NELL2: variants seen among roughly 807,000 people sequenced by gnomAD.
The protein encoded by NELL2 is protein kinase C-binding protein NELL2.
Under a neutral mutation model 109.6 loss-of-function variants are expected in NELL2, and 41 were observed. The observed-to-expected ratio is 0.37, with a 90% confidence interval of 0.29 to 0.49. The LOEUF is 0.49. Ranked by LOEUF, NELL2 falls within the 20% of genes least tolerant of loss-of-function variation. The pLI is 0.98. For synonymous variants in NELL2, 355 were observed against 344.7 expected (o/e 1.03, Z -0.33); for missense variants, 900 against 1,008.3 (o/e 0.89, Z 1.45).
intron 2 of NELL2, among the ~76,000 whole-genome samples, chr12:44,849,650 C>T (rs1374273781): frequency 6.6e-6 from 1 of 151,960 alleles, no homozygotes; most frequent in African/African-American, 2.4e-5. Flanking sequence ...GACATTTATC[C>T]AAAAGGAATA....
At chr12:44,862,186 A>C (rs555551727) in intron 2 of NELL2, among the ~76,000 whole-genome samples, 1 of 152,210 alleles carries the variant, frequency 6.6e-6, no homozygotes, top group Non-Finnish European at 1.5e-5. Context: ...TGCCCCACGA[A>C]TACTCACCAG....
intron 15 of NELL2, among the ~76,000 whole-genome samples, chr12:44,556,215 T>C (rs1029935336): frequency 2.0e-5 from 3 of 152,164 alleles, no homozygotes; most frequent in African/African-American, 7.2e-5. Context: ...ACAAATATTA[T>C]TAGAGTCTAA....
intron 15 of NELL2, among the ~76,000 whole-genome samples, chr12:44,550,487 A>T (rs1942995174): frequency 6.6e-6 from 1 of 150,626 alleles, no homozygotes; most frequent in Non-Finnish European, 1.5e-5. Context: ...GAGGTTGCAG[A>T]GAGCTGAGAC....
At chr12:44,864,053 C>G (rs1470177091) in intron 2 of NELL2, among the ~76,000 whole-genome samples, 1 of 151,906 alleles carries the variant, frequency 6.6e-6, no homozygotes, top group East Asian at 1.9e-4. Context: ...AGAAAAAAAT[C>G]TACAATAGAT....
intron 9 of NELL2, among the ~76,000 whole-genome samples, chr12:44,750,517 A>T (rs751908525): frequency 9.7e-4 from 147 of 152,264 alleles, no homozygotes; most frequent in Non-Finnish European, 1.7e-3. Context: ...ATGAACAGGT[A>T]AGGATTACCA....
At chr12:44,526,051 T>C (rs1417904425) in intron 16 of NELL2, among the ~76,000 whole-genome samples, 2 of 152,160 alleles carry the variant, frequency 1.3e-5, no homozygotes, top group African/African-American at 4.8e-5. Context: ...GTAAACAGCA[T>C]GTAGCTGAAG....
At chr12:44,747,618 T>C (rs1164774023) in intron 9 of NELL2, among the ~76,000 whole-genome samples, 1 of 152,096 alleles carries the variant, frequency 6.6e-6, no homozygotes, top group Non-Finnish European at 1.5e-5. Context: ...TGCACAGGGT[T>C]CAGCATCCCT....
intron 15 of NELL2, among the ~76,000 whole-genome samples, chr12:44,568,962 C>A (rs541668816): frequency 3.4e-4 from 52 of 152,082 alleles, no homozygotes; most frequent in African/African-American, 1.2e-3. Flanking sequence ...TTTTCTTGTA[C>A]AGATTATTTC....
chr12:44,747,623 A>C (rs1940446326), intron 9 of NELL2, among the ~76,000 whole-genome samples: 2 of 152,128 alleles, frequency 1.3e-5, no homozygotes, highest in African/African-American at 2.4e-5. Context: ...AGGGTTCAGC[A>C]TCCCTGACCT....
chr12:44,902,662 G>T (rs1385422802), intron 1 of NELL2, among the ~76,000 whole-genome samples: 1 of 152,122 alleles, frequency 6.6e-6, no homozygotes, highest in Non-Finnish European at 1.5e-5. Flanking sequence ...ATACTACAAG[G>T]CTACAGTAAC....
chr12:44,749,681 T>C (rs1160951567), intron 9 of NELL2, among the ~76,000 whole-genome samples: 1 of 151,952 alleles, frequency 6.6e-6, no homozygotes, highest in Admixed American at 6.6e-5. Flanking sequence ...TGAAGTGAAG[T>C]CCCCCTCGGA....
intron 2 of NELL2, among the ~76,000 whole-genome samples, chr12:44,856,211 C>T (rs541871260): frequency 1.3e-5 from 2 of 152,148 alleles, no homozygotes; most frequent in Non-Finnish European, 2.9e-5. Context: ...TATAGAGATG[C>T]TCCCCATCTT....
At chr12:44,722,752 A>G (rs1185234265) in intron 9 of NELL2, among the ~76,000 whole-genome samples, 2 of 152,208 alleles carry the variant, frequency 1.3e-5, no homozygotes, top group Admixed American at 6.5e-5. Flanking sequence ...ACTTTGTCCC[A>G]GGATTCCAAT....
Position 44,682,562 on chromosome 12 carries a change from T to A in NELL2, c.1319-16953A>T, listed in dbSNP as rs538940254. On this transcript the variant is annotated intron_variant, in intron 12 of 19. Transcript: ENST00000429094. ...TTTTTATTGTTTTAGGTCTAACATT[T>A]AAGTCTTTAATCCATCTTGAATTGA... Among the ~76,000 whole-genome samples the A allele has an allele frequency of 2.0e-5, 3 of 152,254 alleles. No homozygotes were observed. The East Asian group carries it at 5.8e-4, about 29-fold the overall frequency.
At chr12:44,723,730 T>A (rs893456867) in intron 9 of NELL2, among the ~76,000 whole-genome samples, 1 of 152,154 alleles carries the variant, frequency 6.6e-6, no homozygotes, top group Non-Finnish European at 1.5e-5. Context: ...ACATTTACAG[T>A]TGTTTTACTG....
At chr12:44,858,110 T>C (rs907897894) in intron 2 of NELL2, among the ~76,000 whole-genome samples, 10 of 152,178 alleles carry the variant, frequency 6.6e-5, no homozygotes, top group Admixed American at 2.0e-4. Flanking sequence ...ATGTCAGGCA[T>C]AGTTTTGTTC....
chr12:44,756,981 TG>T (rs1940918079), intron 9 of NELL2, among the ~76,000 whole-genome samples: 1 of 152,222 alleles, frequency 6.6e-6, no homozygotes, highest in African/African-American at 2.4e-5. Flanking sequence ...TCCTCTTAGA[TG>T]TCTATGGGCA....
At position 44,776,026 on chromosome 12, in the gene NELL2, C is replaced by A; in HGVS notation, c.887G>T (p.Cys296Phe). ...CAACTCAAATAGAAGCCATACCAGG[C>A]ATGTGCAGTTCTTACAGCCGTCTAT... ...SWIDGCKNCT[C>F]LNGTIQCETL... Residue 296 changes from cysteine to phenylalanine, a missense_variant, in exon 8 of 20, where the codon TGC (cysteine) becomes TTC (phenylalanine). By Grantham distance (205) the Cys-to-Phe change is radical (BLOSUM62 -2). Transcript: ENST00000429094. 1 of 1,613,322 alleles carries A rather than the reference C, an allele frequency of 6.2e-7. No individual in the cohort carries two copies. Among genetic ancestry groups the A allele is most frequent in the Non-Finnish European group, 8.5e-7 (1 of 1,179,720 alleles).
At chr12:44,876,448 G>A, upstream of NELL2, 1 of 1,293,786 alleles carries the variant, frequency 7.7e-7, no homozygotes, top group Non-Finnish European at 9.8e-7. Flanking sequence ...CTCCCGCACG[G>A]TCTCCTGGAT....
Sources: gnomAD v4.1 joint callset for allele counts (sites outside exome capture counted in the v4.1 genomes callset) on GRCh38, gnomAD v4.1.1 for gene constraint, MANE v1.5 for transcripts, NCBI Gene and HGNC (gene_info 2026-07-23, HGNC 2026-07-21) for gene names.